Variants in SNX24 observed in about 807,000 individuals in gnomAD.
The protein encoded by SNX24 is sorting nexin 24, also known as sorting nexin-24.
A neutral mutation model predicts 28.7 loss-of-function variants in SNX24; 22 were observed. The observed-to-expected ratio is 0.77, with a 90% CI of 0.55 to 1.10. The LOEUF is 1.10. Among genes scored for constraint, SNX24 ranks in the 50% least tolerant of loss-of-function variants. The probability of loss-of-function intolerance (pLI) is 0.00; values close to 1 mark genes in which losing one functional copy is unlikely to be tolerated. For missense variants in SNX24, 221 were observed against 201.1 expected (o/e 1.10, Z -0.60); for synonymous variants, 69 against 71.5 (o/e 0.96, Z 0.18).
chr5:123,029,033 CA>C (rs972124951), intron 5 of SNX24: 98 of 824,386 alleles, frequency 1.2e-4, no homozygotes, highest in Non-Finnish European at 1.7e-4. Context: ...ATTAGCTGAC[CA>C]AAAAATAAAT....
intron 1 of SNX24, among the ~76,000 whole-genome samples, chr5:122,895,654 G>A (rs1757167858): frequency 1.3e-5 from 2 of 152,218 alleles, no homozygotes; most frequent in African/African-American, 4.8e-5. Context: ...CATGCCAGCA[G>A]CTGCTGCTTC....
rs868559737 is a variant in SNX24, at chr5:122,883,355, A to G, written c.60+37662A>G. Among the ~76,000 whole-genome samples, 19 of 152,322 alleles carry G rather than the reference A, an allele frequency of 1.2e-4. No individual in the cohort carries two copies. In the South Asian group the frequency reaches 3.9e-3, roughly 32 times the overall value. On this transcript the variant is annotated intron_variant, in intron 1 of 6. Transcript: ENST00000261369. Reference sequence around the variant, plus strand: ...TATTTAAGGGCTTTCTTCTTTGTTTATACAATTATTAATAGCATTTTCTGT... The same window carrying G: ...TATTTAAGGGCTTTCTTCTTTGTTTGTACAATTATTAATAGCATTTTCTGT...
At chr5:122,994,931 G>A (rs770862613) in intron 3 of SNX24, among the ~76,000 whole-genome samples, 23 of 151,934 alleles carry the variant, frequency 1.5e-4, no homozygotes, top group Admixed American at 3.3e-4. Context: ...TAGTAATATC[G>A]AAGTGAGTCA....
intron 1 of SNX24, among the ~76,000 whole-genome samples, chr5:122,892,324 C>G (rs1303364442): frequency 6.6e-6 from 1 of 152,140 alleles, no homozygotes; most frequent in African/African-American, 2.4e-5. Flanking sequence ...ACATTTTACC[C>G]TTTTGACCCA....
intron 2 of SNX24, 41 bp from the exon 3 acceptor site, chr5:122,946,014 G>GTTTTTTTT: frequency 3.4e-6 from 3 of 877,516 alleles, no homozygotes; most frequent in Non-Finnish European, 4.9e-6. Context: ...AGACATCTCT[G>GTTTTTTTT]TTTTTTTTTT....
chr5:122,970,518 G>A (rs1226079500), intron 3 of SNX24, among the ~76,000 whole-genome samples: 1 of 152,094 alleles, frequency 6.6e-6, no homozygotes, highest in Non-Finnish European at 1.5e-5. Context: ...GCCCAGGCTG[G>A]AGTGCAGTGT....
chr5:122,891,338 C>T (rs1474763956), intron 1 of SNX24, among the ~76,000 whole-genome samples: 1 of 151,958 alleles, frequency 6.6e-6, no homozygotes, highest in Non-Finnish European at 1.5e-5. Flanking sequence ...AAGCAAGTTA[C>T]CAAATGATAT....
At chr5:122,853,062 T>G (rs891395793) in intron 1 of SNX24, among the ~76,000 whole-genome samples, 2 of 150,282 alleles carry the variant, frequency 1.3e-5, no homozygotes, top group African/African-American at 4.9e-5. Context: ...GAAGCCCACA[T>G]TAAATATTTG....
intron 1 of SNX24, among the ~76,000 whole-genome samples, chr5:122,896,073 G>T (rs753986832): frequency 2.0e-4 from 30 of 152,144 alleles, no homozygotes; most frequent in Non-Finnish European, 3.8e-4. Context: ...CACTTGAACT[G>T]GGGGGCAGAG....
chr5:122,915,247 C>A (rs932782835), intron 1 of SNX24, among the ~76,000 whole-genome samples: 7 of 152,202 alleles, frequency 4.6e-5, no homozygotes, highest in African/African-American at 1.7e-4. Flanking sequence ...GCCCTGTCAT[C>A]TCACCCTGGT....
At chr5:123,021,951 C>A (rs530588975) in intron 5 of SNX24, among the ~76,000 whole-genome samples, 38 of 152,290 alleles carry the variant, frequency 2.5e-4, no homozygotes, top group African/African-American at 8.9e-4. Context: ...AAATGCCATC[C>A]CTCCAGAGGC....
chr5:122,907,786 T>C (rs138184229), intron 1 of SNX24, among the ~76,000 whole-genome samples: 1 of 152,322 alleles, frequency 6.6e-6, no homozygotes, highest in African/African-American at 2.4e-5. Context: ...TTTATTTTCC[T>C]GATAATGGCA....
intron 5 of SNX24, among the ~76,000 whole-genome samples, chr5:123,017,714 T>TG (rs1278456554): frequency 6.6e-6 from 1 of 152,050 alleles, no homozygotes; most frequent in East Asian, 1.9e-4. Context: ...TGGTGATGAA[T>TG]GAGTCTCAGG....
At chr5:122,879,144 G>A (rs1756364747) in intron 1 of SNX24, among the ~76,000 whole-genome samples, 1 of 152,028 alleles carries the variant, frequency 6.6e-6, no homozygotes, top group African/African-American at 2.4e-5. Flanking sequence ...TTATTAATGA[G>A]ACCACTTGTT....
At chr5:122,974,792 A>G (rs1761100866) in intron 3 of SNX24, among the ~76,000 whole-genome samples, 1 of 152,094 alleles carries the variant, frequency 6.6e-6, no homozygotes, top group African/African-American at 2.4e-5. Flanking sequence ...GATGTTTTTG[A>G]TTACTATTTT....
chr5:122,942,454 T>C (rs1759497375), intron 2 of SNX24, among the ~76,000 whole-genome samples: 1 of 152,234 alleles, frequency 6.6e-6, no homozygotes, highest in Admixed American at 6.5e-5. Flanking sequence ...CCCCAAGTGT[T>C]TCCCGCTTCT....
intron 3 of SNX24, among the ~76,000 whole-genome samples, chr5:122,985,456 T>C (rs1761561149): frequency 6.6e-6 from 1 of 152,216 alleles, no homozygotes; most frequent in African/African-American, 2.4e-5. Context: ...ATGCAAGTCA[T>C]TTAACTTCTC....
intron 1 of SNX24, among the ~76,000 whole-genome samples, chr5:122,887,314 G>A (rs188529840): frequency 3.0e-4 from 45 of 152,200 alleles, no homozygotes; most frequent in Admixed American, 1.4e-3. Flanking sequence ...CCTAATTGTC[G>A]TTTATCTGTG....
intron 1 of SNX24, among the ~76,000 whole-genome samples, chr5:122,870,864 T>C (rs1172303554): frequency 1.3e-5 from 2 of 152,110 alleles, no homozygotes; most frequent in East Asian, 1.9e-4. Flanking sequence ...GATGGCACAT[T>C]GGAACACCAG....
Sources: allele counts gnomAD v4.1 joint callset (sites outside exome capture counted in the v4.1 genomes callset), GRCh38; gene constraint gnomAD v4.1.1; transcripts MANE v1.5; gene names NCBI Gene and HGNC (gene_info 2026-07-23, HGNC 2026-07-21).